The following ABCA12 variants were observed in gnomAD, a reference collection of about 807,000 sequenced individuals.
ABCA12 encodes glucosylceramide transporter ABCA12.
Under a neutral mutation model 293.5 loss-of-function variants are expected in ABCA12, and 156 were observed. The ratio of observed to expected loss-of-function variants is 0.53; its 90% CI spans 0.47 to 0.61. The LOEUF is 0.61. ABCA12 is among the 20% of genes least tolerant of loss of function. The pLI, the probability that ABCA12 is intolerant of heterozygous loss-of-function variation, is 0.00. For missense variants in ABCA12, 2,797 were observed against 3,090.2 expected (o/e 0.91, Z 2.25); for synonymous variants, 1,063 against 1,108.0 (o/e 0.96, Z 0.81).
chr2:215,074,530 T>C (rs143737200), intron 2 of ABCA12, among the ~76,000 whole-genome samples: 9 of 152,184 alleles, frequency 5.9e-5, no homozygotes, highest in African/African-American at 2.2e-4. Context: ...GCCAATACAA[T>C]AATATGGGCC....
chr2:215,019,462 GA>G lies in ABCA12; in HGVS notation c.1545-15del, dbSNP rs1202982020. The G allele has an allele frequency of 3.7e-6, 6 of 1,613,420 alleles. No individual in the cohort carries two copies. The highest frequency in any genetic ancestry group is 2.7e-5 in the African/African-American group (2 of 74,906). ...TGTTCTAGAAACCTGGAACAAAACA[GA>G]AAAGAAGAAATTCAACTAAGTATTT... On this transcript the variant is annotated splice_polypyrimidine_tract_variant and intron_variant, in intron 12 of 52. Coordinates refer to ENST00000272895, the MANE Select transcript of ABCA12 (RefSeq NM_173076.3).
At chr2:215,106,130 C>T (rs1702459613) in intron 2 of ABCA12, among the ~76,000 whole-genome samples, 1 of 152,194 alleles carries the variant, frequency 6.6e-6, no homozygotes, top group African/African-American at 2.4e-5. Flanking sequence ...GGCCAGAACA[C>T]ACCTCACTCC....
chr2:214,951,866 T>C (rs13013391), intron 44 of ABCA12, among the ~76,000 whole-genome samples: 53,377 of 152,108 alleles, frequency 0.35, 9,871 homozygotes, highest in South Asian at 0.47. Context: ...TAATACAGTA[T>C]TGTTAACTAT....
At chr2:215,017,164 C>A (rs1055673108) in intron 14 of ABCA12, among the ~76,000 whole-genome samples, 1 of 152,122 alleles carries the variant, frequency 6.6e-6, no homozygotes, top group Non-Finnish European at 1.5e-5. Flanking sequence ...ACCTTAAAGG[C>A]TTTTTAGAAA....
chr2:215,103,039 A>G (rs1451567090), intron 2 of ABCA12, among the ~76,000 whole-genome samples: 1 of 152,144 alleles, frequency 6.6e-6, no homozygotes, highest in Admixed American at 6.5e-5. Context: ...GGTCCCAGGC[A>G]GTTGCTGACT....
At chr2:215,053,808 G>T (rs955066799) in intron 4 of ABCA12, among the ~76,000 whole-genome samples, 6 of 152,030 alleles carry the variant, frequency 3.9e-5, no homozygotes, top group Non-Finnish European at 8.8e-5. Context: ...TAAGACAGTG[G>T]CTGCTTAGTA....
In ABCA12 at chr2:214,982,186, C is replaced by A. The variant is rs1267050481; in HGVS notation, c.4579+1G>T. 6.2e-7 allele frequency: 1 copy of A among 1,613,398 alleles called. No homozygotes were observed. The highest frequency in any genetic ancestry group is 8.5e-7 in the Non-Finnish European group (1 of 1,179,744). On this transcript the variant is annotated splice_donor_variant, in intron 30 of 52. Transcript: ENST00000272895. LOFTEE classifies it high-confidence loss of function. Reference sequence around the variant, plus strand: ...GAGAAGTTCTGAGAAACTACTCATACCAGTTTTGTTCTTGGATATAACATC... The same window carrying A: ...GAGAAGTTCTGAGAAACTACTCATAACAGTTTTGTTCTTGGATATAACATC...
Position 215,026,847 on chromosome 2 carries a change from T to A in ABCA12, c.1153A>T (p.Thr385Ser), listed in dbSNP as rs1157844363. The stretch of plus-strand genomic sequence containing the variant: ...GGTGAACCTCTGGCCAAACTGTCAG[T>A]CACATTTCTCACACATGCCAAGTAA... ...IPYLACVRNV[T>S]DSLARGSPEN... The change falls in exon 10 of 53, where the codon ACT becomes TCT. Residue 385 changes from threonine (T) to serine (S), a missense_variant. Physicochemically the swap from Thr to Ser is moderately conservative, Grantham distance 58 (BLOSUM62 1). This residue lies in a region of ABCA12 where 656 missense variants were observed against 638.2 expected (regional missense o/e 1.03). Transcript: ENST00000272895. 1 of 1,612,610 alleles carries A rather than the reference T, an allele frequency of 6.2e-7. No homozygotes were observed.
intron 36 of ABCA12, among the ~76,000 whole-genome samples, chr2:214,972,539 CTGGGA>C (rs1699409089): frequency 6.6e-6 from 1 of 152,028 alleles, no homozygotes; most frequent in South Asian, 2.1e-4. Context: ...CACCAAGTAG[CTGGGA>C]CTACACGTGC....
intron 2 of ABCA12, among the ~76,000 whole-genome samples, chr2:215,068,422 G>T (rs915621897): frequency 1.3e-5 from 2 of 152,110 alleles, no homozygotes; most frequent in African/African-American, 4.8e-5. Flanking sequence ...GCCTCAATGA[G>T]CCTGGTTGTA....
intron 2 of ABCA12, among the ~76,000 whole-genome samples, chr2:215,107,753 T>G (rs539934236): frequency 1.1e-4 from 16 of 152,358 alleles, no homozygotes; most frequent in African/African-American, 2.9e-4. Flanking sequence ...CAGACCTGCC[T>G]GACTCTTCTG....
intron 20 of ABCA12, among the ~76,000 whole-genome samples, chr2:215,003,428 G>A (rs1035388684): frequency 3.3e-5 from 5 of 152,018 alleles, no homozygotes; most frequent in South Asian, 2.1e-4. Flanking sequence ...TCCCCATTGC[G>A]TTTTTCTTGC....
At chr2:214,987,420 A>C (rs1242016921) in intron 27 of ABCA12, among the ~76,000 whole-genome samples, 1 of 152,154 alleles carries the variant, frequency 6.6e-6, no homozygotes, top group Non-Finnish European at 1.5e-5. Flanking sequence ...AGGGATCTGC[A>C]ATCTTGGCCT....
At chr2:215,131,924 TG>T (rs1703068408) in intron 1 of ABCA12, among the ~76,000 whole-genome samples, 1 of 152,038 alleles carries the variant, frequency 6.6e-6, no homozygotes, top group South Asian at 2.1e-4. Flanking sequence ...CTAGGAGCTT[TG>T]GTATGCTGTG....
At chr2:215,073,529 G>A (rs537740242) in intron 2 of ABCA12, among the ~76,000 whole-genome samples, 30 of 152,092 alleles carry the variant, frequency 2.0e-4, no homozygotes, top group Admixed American at 1.8e-3. Flanking sequence ...GTGCTGGTGG[G>A]TAAAGAGCCA....
At chr2:215,011,864 T>G in intron 16 of ABCA12, 107 bp downstream of exon 16, 6 of 1,085,620 alleles carry the variant, frequency 5.5e-6, no homozygotes, top group East Asian at 2.5e-5. Flanking sequence ...TTGTAGGTGT[T>G]GTTTTTTTTT....
At chr2:215,125,840 G>T (rs1702909541) in intron 1 of ABCA12, among the ~76,000 whole-genome samples, 2 of 152,110 alleles carry the variant, frequency 1.3e-5, no homozygotes, top group Admixed American at 1.3e-4. Context: ...AGTTGAAGAG[G>T]CGTGGTGAGA....
At chr2:215,019,135 T>A (rs949836455) in intron 13 of ABCA12, among the ~76,000 whole-genome samples, 3 of 152,250 alleles carry the variant, frequency 2.0e-5, no homozygotes, top group Non-Finnish European at 2.9e-5. Flanking sequence ...GAAATCAGAT[T>A]TCCCTGTTTC....
chr2:215,116,147 T>C (rs549028796), intron 1 of ABCA12, among the ~76,000 whole-genome samples: 1 of 152,342 alleles, frequency 6.6e-6, no homozygotes, highest in African/African-American at 2.4e-5. Context: ...TAAAGAGGCA[T>C]AAAATGCAGA....
Sources: gnomAD v4.1 joint callset for allele counts (sites outside exome capture counted in the v4.1 genomes callset) on GRCh38, gnomAD v4.1.1 for gene constraint, gnomAD v4.1.1 regional missense constraint, MANE v1.5 for transcripts, NCBI Gene and HGNC (gene_info 2026-07-23, HGNC 2026-07-21) for gene names.